The following CHIA variants were observed in gnomAD, a reference collection of about 807,000 sequenced individuals.
CHIA encodes the protein acidic mammalian chitinase.
Under a neutral mutation model 53.5 loss-of-function variants are expected in CHIA, and 47 were observed. The observed-to-expected ratio is 0.88, with a 90% CI of 0.70 to 1.12. The LOEUF is 1.12. Among genes scored for constraint, CHIA ranks in the 50% most tolerant of loss-of-function variants. The probability of loss-of-function intolerance (pLI) is 0.00; values close to 1 mark genes in which losing one functional copy is unlikely to be tolerated. For synonymous variants in CHIA, 268 were observed against 222.2 expected (o/e 1.21, Z -1.83); for missense variants, 652 against 592.2 (o/e 1.10, Z -1.05).
At chr1:111,310,302 G>A in intron 1 of CHIA, 98 bp from the exon 2 acceptor site, 1 of 1,364,766 alleles carries the variant, frequency 7.3e-7, no homozygotes, top group East Asian at 2.5e-5. Flanking sequence ...GTGGGAGGGT[G>A]TAGGTTGAAG....
At chr1:111,298,502 A>G (rs1647405259) in intron 1 of CHIA, among the ~76,000 whole-genome samples, 1 of 152,218 alleles carries the variant, frequency 6.6e-6, no homozygotes, top group Non-Finnish European at 1.5e-5. Flanking sequence ...CTACTGGGTA[A>G]ATAACGAGAT....
chr1:111,313,170 G>A (rs1445903796), intron 4 of CHIA, among the ~76,000 whole-genome samples: 2 of 152,170 alleles, frequency 1.3e-5, no homozygotes, highest in East Asian at 1.9e-4. Flanking sequence ...TGTAAACCCA[G>A]TAGTGTAACT....
At chr1:111,297,901 C>CAAAAAGAAAAAAAAA (rs1647316347) in intron 1 of CHIA, among the ~76,000 whole-genome samples, 1 of 31,854 alleles carries the variant, frequency 3.1e-5, no homozygotes, top group Non-Finnish European at 5.0e-5. Context: ...AAATGGAAAG[C>CAAAAAGAAAAAAAAA]AAAAAAAAAA....
At position 111,311,528 on chromosome 1, in the gene CHIA, G is replaced by C. The variant is rs559213011; in HGVS notation, c.26-161G>C. On this transcript the variant is annotated intron_variant, in intron 2 of 11. Coordinates refer to ENST00000369740, the MANE Select transcript of CHIA (RefSeq NM_201653.4). Reference sequence around the variant, plus strand: ...TTTTTGATAAAGGTGGGGAAAGGTAGATCTACTGTTGTATTCACTGAAAAG... The same window carrying C: ...TTTTTGATAAAGGTGGGGAAAGGTACATCTACTGTTGTATTCACTGAAAAG... Among the ~76,000 whole-genome samples the C allele has an allele frequency of 3.9e-5, 6 of 152,262 alleles. No homozygotes were observed. The East Asian group carries it at 1.2e-3, about 29-fold the overall frequency.
At chr1:111,304,113 T>C in intron 1 of CHIA, among the ~76,000 whole-genome samples, 1 of 152,226 alleles carries the variant, frequency 6.6e-6, no homozygotes, top group East Asian at 1.9e-4. Context: ...GATAATTTTA[T>C]TGAAGATCCC....
At chr1:111,315,559 A>G in intron 6 of CHIA, 124 bp downstream of exon 6, 1 of 1,006,026 alleles carries the variant, frequency 9.9e-7, no homozygotes, top group Non-Finnish European at 1.4e-6. Flanking sequence ...AGCATTGCAA[A>G]GAGTCTTATA....
At chr1:111,299,256 G>A (rs1647495567) in intron 1 of CHIA, among the ~76,000 whole-genome samples, 2 of 152,156 alleles carry the variant, frequency 1.3e-5, no homozygotes, top group Admixed American at 1.3e-4. Flanking sequence ...ACATCATCCT[G>A]ATACCAAAGC....
chr1:111,316,791 C>T (rs1406912976), intron 6 of CHIA: 3 of 152,154 alleles, frequency 2.0e-5, no homozygotes, highest in Admixed American at 1.3e-4. Flanking sequence ...TGTAACAGAT[C>T]GTCACCCAGC....
intron 1 of CHIA, among the ~76,000 whole-genome samples, chr1:111,294,181 A>G (rs944367495): frequency 1.3e-5 from 2 of 152,202 alleles, no homozygotes; most frequent in African/African-American, 2.4e-5. Context: ...AACAATATTG[A>G]GTCTTCCAAC....
chr1:111,306,643 T>C (rs752092629), intron 1 of CHIA, among the ~76,000 whole-genome samples: 1 of 152,054 alleles, frequency 6.6e-6, no homozygotes, highest in Non-Finnish European at 1.5e-5. Flanking sequence ...TAAGGCACCA[T>C]AAAGAGAGTG....
At chr1:111,291,606 A>T (rs970024961) in intron 1 of CHIA, among the ~76,000 whole-genome samples, 104 of 152,228 alleles carry the variant, frequency 6.8e-4, no homozygotes, top group African/African-American at 2.4e-3. Flanking sequence ...GCAGCAAACC[A>T]TCATGGCACA....
intron 6 of CHIA, 24 bp from the exon 7 acceptor site, chr1:111,317,657 C>T: frequency 1.2e-6 from 2 of 1,613,734 alleles, no homozygotes; most frequent in South Asian, 2.2e-5. Context: ...CATAGATGTC[C>T]TATTATGCCT....
intron 4 of CHIA, 64 bp from the exon 5 acceptor site, chr1:111,314,476 T>G: frequency 9.0e-7 from 1 of 1,106,582 alleles, no homozygotes; most frequent in Non-Finnish European, 1.4e-6. Flanking sequence ...ACTAAAGCAA[T>G]GTATTTTAAA....
At chr1:111,311,061 C>G (rs1648624964) in intron 2 of CHIA, among the ~76,000 whole-genome samples, 3 of 152,076 alleles carry the variant, frequency 2.0e-5, no homozygotes, top group Admixed American at 1.3e-4. Flanking sequence ...CAAGTCATAC[C>G]AAGAATTTAT....
At chr1:111,316,945 A>C (rs913689897) in intron 6 of CHIA, 2 of 152,204 alleles carry the variant, frequency 1.3e-5, no homozygotes, top group African/African-American at 4.8e-5. Flanking sequence ...CATTGTTTCT[A>C]GTTCTTCCTG....
chr1:111,315,206 T>G, intron 5 of CHIA, 64 bp from the exon 6 acceptor site: 2 of 1,260,056 alleles, frequency 1.6e-6, no homozygotes, highest in South Asian at 2.6e-5. Context: ...ATTGAGAGCT[T>G]GATTTTACTC....
chr1:111,296,211 T>C (rs1485862056), intron 1 of CHIA, among the ~76,000 whole-genome samples: 1 of 152,172 alleles, frequency 6.6e-6, no homozygotes, highest in Non-Finnish European at 1.5e-5. Context: ...GAGCAGTGGA[T>C]CTCCCAGCAC....
At chr1:111,318,149 T>C in intron 8 of CHIA, 40 bp downstream of exon 8, 5 of 1,515,050 alleles carry the variant, frequency 3.3e-6, no homozygotes, top group Non-Finnish European at 4.5e-6. Flanking sequence ...CCAGAGATGA[T>C]GATGAAAATC....
intron 3 of CHIA, among the ~76,000 whole-genome samples, chr1:111,311,966 C>A (rs2101638365): frequency 6.6e-6 from 1 of 152,184 alleles, no homozygotes; most frequent in East Asian, 1.9e-4. Flanking sequence ...TATCCAAAAT[C>A]CCAAAATGAG....
Sources: gnomAD v4.1 joint callset for allele counts (sites outside exome capture counted in the v4.1 genomes callset) on GRCh38, gnomAD v4.1.1 for gene constraint, MANE v1.5 for transcripts, NCBI Gene and HGNC (gene_info 2026-07-23, HGNC 2026-07-21) for gene names.